The following FBXO31 variants were observed in gnomAD, a reference collection of about 807,000 sequenced individuals.
FBXO31 encodes F-box only protein 31.
A neutral mutation model predicts 54.4 loss-of-function variants in FBXO31; 24 were observed. That is an observed-to-expected ratio of 0.44 (90% CI 0.32 to 0.62). The LOEUF is 0.62. Ranked by LOEUF, FBXO31 falls within the 20% of genes least tolerant of loss-of-function variation. FBXO31 has a pLI of 0.05. For synonymous variants in FBXO31, 388 were observed against 335.6 expected (o/e 1.16, Z -1.71); for missense variants, 665 against 787.1 (o/e 0.84, Z 1.86).
chr16:87,332,646 TG>T (rs999388517), intron 8 of FBXO31, among the ~76,000 whole-genome samples: 10 of 151,464 alleles, frequency 6.6e-5, no homozygotes, highest in African/African-American at 2.4e-4. Flanking sequence ...CTCCGGGAGC[TG>T]GAACTGTGGC....
chr16:87,385,787 T>C (rs376986521), upstream of FBXO31, among the ~76,000 whole-genome samples: 354 of 152,260 alleles, frequency 2.3e-3, 2 homozygotes, highest in African/African-American at 8.2e-3. Context: ...GGCGGGCAGA[T>C]CACCTGAGGT....
At chr16:87,379,741 C>T (rs978365507) in intron 1 of FBXO31, among the ~76,000 whole-genome samples, 4 of 151,898 alleles carry the variant, frequency 2.6e-5, no homozygotes, top group African/African-American at 9.7e-5. Flanking sequence ...ACGCCCACCA[C>T]CACACCCAGC....
chr16:87,369,624 T>G lies in FBXO31; in HGVS notation c.341-9258A>C, dbSNP rs185472297. Among the ~76,000 whole-genome samples the G allele has an allele frequency of 5.3e-5, 8 of 152,370 alleles. No homozygotes were observed. In the East Asian group the frequency reaches 1.5e-3, roughly 29 times the overall value. On this transcript the variant is annotated intron_variant, in intron 1 of 8. Transcript: ENST00000311635. Reference sequence around the variant, plus strand: ...GCCTTTTGGCTACTGTGAATAAAACTGCTTCAGACATAGGTGTCAAGATAT... The same window carrying G: ...GCCTTTTGGCTACTGTGAATAAAACGGCTTCAGACATAGGTGTCAAGATAT...
chr16:87,337,078 C>T (rs1421968986), intron 5 of FBXO31, among the ~76,000 whole-genome samples: 1 of 152,176 alleles, frequency 6.6e-6, no homozygotes, highest in Non-Finnish European at 1.5e-5. Context: ...GAAATCACTG[C>T]AGGAGCTGCA....
In FBXO31 at chr16:87,343,653, G is replaced by C. The variant is rs778944819; in HGVS notation, c.602C>G (p.Ala201Gly). 1.2e-6 allele frequency: 2 copies of C among 1,614,082 alleles called. No homozygotes were observed. Among genetic ancestry groups the C allele is most frequent in the South Asian group, 1.1e-5 (1 of 91,058 alleles). ...GCCGTACATGCACTCCACTGTGGCA[G>C]CCTTCCTCTCCATCAGGTGGATCCT... The part of the protein sequence containing the change: ...LFRIHLMERK[A>G]ATVECMYGHK... The change falls in exon 4 of 9, where the codon GCT becomes GGT. Residue 201 changes from alanine (A) to glycine (G), a missense_variant. Around this residue, in one of 4 missense-constraint regions of FBXO31, gnomAD observed 234 missense variants for 346.8 expected, o/e 0.67. Coordinates refer to ENST00000311635, the MANE Select transcript of FBXO31 (RefSeq NM_024735.5).
At chr16:87,372,004 G>C (rs1315994493) in intron 1 of FBXO31, among the ~76,000 whole-genome samples, 1 of 152,066 alleles carries the variant, frequency 6.6e-6, no homozygotes, top group Non-Finnish European at 1.5e-5. Context: ...TGGGCAGACT[G>C]CTTGAGCTCA....
rs1277694186 is a variant in FBXO31 at position 87,363,155 on chromosome 16, T to C, written c.341-2789A>G. Among the ~76,000 whole-genome samples the C allele has an allele frequency of 4.0e-5, 6 of 151,768 alleles. No individual in the cohort carries two copies. In the East Asian group the frequency reaches 1.2e-3, roughly 29 times the overall value. On this transcript the variant is annotated intron_variant, in intron 1 of 8. Coordinates refer to ENST00000311635, the MANE Select transcript of FBXO31 (RefSeq NM_024735.5). The stretch of plus-strand genomic sequence containing the variant: ...ATCCCACCACTTTGGGAGGTCGAGG[T>C]GGGAAGATCACCTGAGGTTGGGAGT...
intron 1 of FBXO31, among the ~76,000 whole-genome samples, chr16:87,365,038 T>TATA (rs1031091236): frequency 1.8e-5 from 2 of 110,800 alleles, no homozygotes; most frequent in African/African-American, 6.8e-5. Flanking sequence ...TATATATATA[T>TATA]ATCAGGCAGG....
intron 2 of FBXO31, among the ~76,000 whole-genome samples, chr16:87,357,886 C>T (rs561336581): frequency 1.3e-5 from 2 of 151,298 alleles, no homozygotes; most frequent in Non-Finnish European, 2.9e-5. Flanking sequence ...CACTGCACTC[C>T]AGCTTGGGTG....
intron 1 of FBXO31, among the ~76,000 whole-genome samples, chr16:87,381,624 T>A (rs2150699971): frequency 6.6e-6 from 1 of 152,202 alleles, no homozygotes; most frequent in East Asian, 1.9e-4. Context: ...GGAGAAAGGG[T>A]TCTTCTCATG....
chr16:87,379,784 C>T (rs1483572811), intron 1 of FBXO31, among the ~76,000 whole-genome samples: 1 of 150,644 alleles, frequency 6.6e-6, no homozygotes, highest in East Asian at 2.0e-4. Flanking sequence ...GACGGGGTTT[C>T]ACCATGTCGG....
At chr16:87,376,915 C>G (rs1334964489) in intron 1 of FBXO31, among the ~76,000 whole-genome samples, 1 of 152,224 alleles carries the variant, frequency 6.6e-6, no homozygotes, top group Admixed American at 6.5e-5. Flanking sequence ...CCCGATCTAT[C>G]TCATATACGA....
chr16:87,333,955 C>T lies in FBXO31; in HGVS notation c.1328G>A (p.Gly443Glu). 6.2e-7 allele frequency: 1 copy of T among 1,612,596 alleles called. No individual in the cohort carries two copies. Among genetic ancestry groups the T allele is most frequent in the Non-Finnish European group, 8.5e-7 (1 of 1,179,700 alleles). Residue 443 changes from glycine to glutamate, a missense_variant, in exon 8 of 9, where the codon GGG becomes GAG. By Grantham distance (98) the Gly-to-Glu change is moderately conservative. Around this residue, in one of 4 missense-constraint regions of FBXO31, gnomAD observed 165 missense variants for 159.7 expected, o/e 1.03. Coordinates refer to ENST00000311635, the MANE Select transcript of FBXO31 (RefSeq NM_024735.5). ...GCCCACGGGCAGCACGAACGGCTGC[C>T]CCTGCCCACACTGGGCAGGCTGCTC... ...AAEQPAQCGQ[G>E]QPFVLPVGVS...
rs1905326071 is a variant in FBXO31, at chr16:87,345,078, G to A, written c.490-1313C>T. 6.6e-6 allele frequency among the ~76,000 whole-genome samples: 1 copy of A among 152,108 alleles called. No homozygotes were observed. The highest frequency in any genetic ancestry group is 2.1e-4 in the South Asian group (1 of 4,822). ...GAGGAGCCATCTGCCCAGGGGCCAT[G>A]CATGCCAGGCCTGGAAGAACCTGTG... On this transcript the variant is annotated intron_variant, in intron 3 of 8. Coordinates refer to ENST00000311635, the MANE Select transcript of FBXO31 (RefSeq NM_024735.5). This position sits in a 1 kb window ranked among gnomAD's most constrained non-coding sequence, Gnocchi z 4.9.
rs55746745 is a variant in FBXO31, at chr16:87,365,010, A to AATATATATATATATAT, written c.341-4660_341-4645dup. On this transcript the variant is annotated intron_variant, in intron 1 of 8. Coordinates refer to ENST00000311635, the MANE Select transcript of FBXO31 (RefSeq NM_024735.5). ...TGACAGAGCGAGACCCCGTCTCTTA[A>AATATATATATATATAT]ATATATATATATATATATATATATA... Among the ~76,000 whole-genome samples the AATATATATATATATAT allele has an allele frequency of 8.8e-3, 421 of 47,614 alleles. 44 individuals are homozygous for AATATATATATATATAT. The highest frequency in any genetic ancestry group is 0.019 in the African/African-American group (190 of 9,784). 31.2% of individuals were successfully genotyped at this position (47,614 alleles called of 152,430 possible).
upstream of FBXO31, among the ~76,000 whole-genome samples, chr16:87,385,302 C>CA (rs1172169591): frequency 9.9e-5 from 15 of 152,018 alleles, no homozygotes; most frequent in Non-Finnish European, 2.2e-4. Flanking sequence ...ACTAAAAATA[C>CA]AAAAAATTAG....
At chr16:87,349,430 C>T (rs1200371727) in intron 2 of FBXO31, among the ~76,000 whole-genome samples, 3 of 152,184 alleles carry the variant, frequency 2.0e-5, no homozygotes, top group African/African-American at 7.2e-5. Flanking sequence ...AAAATTTCAG[C>T]TGCAGGCTGG....
At chr16:87,350,634 G>A (rs1468064056) in intron 2 of FBXO31, among the ~76,000 whole-genome samples, 1 of 152,166 alleles carries the variant, frequency 6.6e-6, no homozygotes, top group Non-Finnish European at 1.5e-5. Context: ...ATGGACTGCT[G>A]GGCGGCTGGG....
At chr16:87,386,587 C>T (rs1907335165), upstream of FBXO31, among the ~76,000 whole-genome samples, 1 of 152,178 alleles carries the variant, frequency 6.6e-6, no homozygotes, top group Non-Finnish European at 1.5e-5. Flanking sequence ...GCGAGTGCCA[C>T]CACACTTGGC....
Sources: allele counts gnomAD v4.1 joint callset (sites outside exome capture counted in the v4.1 genomes callset), GRCh38; gene constraint gnomAD v4.1.1; regional missense constraint gnomAD v4.1.1; non-coding constraint Gnocchi (gnomAD v3.1); transcripts MANE v1.5; gene names NCBI Gene and HGNC (gene_info 2026-07-23, HGNC 2026-07-21).